DAZL: variants seen among roughly 807,000 people sequenced by gnomAD.
DAZL encodes the protein deleted in azoospermia like.
A neutral mutation model predicts 45.0 loss-of-function variants in DAZL; 4 were observed. The observed-to-expected ratio is 0.09, with a 90% CI of 0.04 to 0.20. The LOEUF (loss-of-function observed/expected upper bound fraction) is 0.20, where lower values mean the gene tolerates loss of function less well. Ranked by LOEUF, DAZL falls within the 10% of genes least tolerant of loss-of-function variation. The probability of loss-of-function intolerance (pLI) is 1.00; values close to 1 mark genes in which losing one functional copy is unlikely to be tolerated. For synonymous variants in DAZL, 122 were observed against 112.4 expected, an observed-to-expected ratio of 1.09 and a Z score of -0.54; for missense variants, 326 against 351.3, an observed-to-expected ratio of 0.93 and a Z score of 0.58.
chr3:16,594,396 A>G, intron 8 of DAZL, 137 bp downstream of exon 8: 2 of 673,278 alleles, frequency 3.0e-6, no homozygotes, highest in Non-Finnish European at 4.8e-6. Context: ...AGAAAGTAAC[A>G]AAATGTAACA....
chr3:16,591,178 T>C (rs986748593), intron 10 of DAZL, among the ~76,000 whole-genome samples: 8 of 152,170 alleles, frequency 5.3e-5, no homozygotes, highest in African/African-American at 1.4e-4. Flanking sequence ...CTTCTCATTT[T>C]AGACTTGTAA....
rs1171208384 is a variant in DAZL, at chr3:16,588,421, T to TA, written c.*238dup. 4 of 353,762 alleles carry TA rather than the reference T, an allele frequency of 1.1e-5. No homozygotes were observed. The highest frequency in any genetic ancestry group is 4.1e-5 in the Admixed American group (1 of 24,570). 21.9% of individuals were successfully genotyped at this position (353,762 alleles called of 1,614,324 possible). Reference sequence around the variant, plus strand: ...TTAAAAAATCCTTGCAGATAAATCTTAGTTTCTTTCAGTCTCAATTATTTT... The same window carrying TA: ...TTAAAAAATCCTTGCAGATAAATCTTAAGTTTCTTTCAGTCTCAATTATTTT... On this transcript the variant is annotated 3_prime_UTR_variant, in exon 11 of 11. Coordinates refer to ENST00000399444, the MANE Select transcript of DAZL (RefSeq NM_001351.4).
intron 1 of DAZL, among the ~76,000 whole-genome samples, chr3:16,601,192 A>C (rs1002903436): frequency 6.6e-6 from 1 of 152,214 alleles, no homozygotes; most frequent in African/African-American, 2.4e-5. Context: ...GTTGGAAAAG[A>C]TCTCTGGTGT....
At position 16,596,777 on chromosome 3, in the gene DAZL, C is replaced by G. The variant is rs771895981; in HGVS notation, c.471G>C (p.Thr157=). 4.3e-6 allele frequency: 7 copies of G among 1,613,758 alleles called. No homozygotes were observed. The South Asian group carries it at 7.7e-5, about 18-fold the overall frequency. ...GAACATACTGAGTTATAGGATTCAT[C>G]GTGGTTGTGGGCTGCATATAAGTTT... ...NTETYMQPTT[T]MNPITQYVQA... is the part of the protein sequence containing the mutation. Residue 157 remains threonine (T), a synonymous_variant, in exon 6 of 11, where the codon ACG becomes ACC. Coordinates refer to ENST00000399444, the MANE Select transcript of DAZL (RefSeq NM_001351.4).
intron 1 of DAZL, among the ~76,000 whole-genome samples, chr3:16,598,885 G>A (rs1694641202): frequency 6.6e-6 from 1 of 151,426 alleles, no homozygotes; most frequent in Admixed American, 6.6e-5. Context: ...CCAGGTTCAA[G>A]CGATTCTCCT....
chr3:16,599,382 G>A (rs918772697), intron 1 of DAZL, among the ~76,000 whole-genome samples: 6 of 152,022 alleles, frequency 3.9e-5, no homozygotes, highest in African/African-American at 7.3e-5. Context: ...GTCCTGCTTC[G>A]CCTTTTTCAC....
chr3:16,594,752 T>C (rs1406161060), intron 7 of DAZL, among the ~76,000 whole-genome samples, 169 bp from the exon 8 acceptor site: 1 of 152,076 alleles, frequency 6.6e-6, no homozygotes, highest in African/African-American at 2.4e-5. Context: ...CCTGATGTTC[T>C]TGTTACTTCC....
intron 3 of DAZL, 33 bp from the exon 4 acceptor site, chr3:16,597,574 C>A (rs1258337626): frequency 3.7e-6 from 5 of 1,334,750 alleles, no homozygotes; most frequent in Non-Finnish European, 5.4e-6. Flanking sequence ...TATAAAATCA[C>A]CATCATACAG....
At chr3:16,605,107 C>T in intron 1 of DAZL, 96 bp downstream of exon 1, 5 of 1,502,290 alleles carry the variant, frequency 3.3e-6, no homozygotes, top group Non-Finnish European at 4.6e-6. Flanking sequence ...ACAGGAAAGC[C>T]GAGGATGACT....
rs781779694 is a variant in DAZL at position 16,594,565 on chromosome 3, C to G, written c.589G>C (p.Val197Leu). ...ACAACATAGCTCCTTTGCTCCCCAACAGGCCACTGTGGTGGCATCTTAAAA... is the reference window on the plus strand; with the variant it reads ...ACAACATAGCTCCTTTGCTCCCCAAGAGGCCACTGTGGTGGCATCTTAAAA... ...YNYQMPPQWPVGEQRSYVVPP... is the reference protein window; with the variant it reads ...YNYQMPPQWPLGEQRSYVVPP... Residue 197 changes from valine (V) to leucine (L), a missense_variant, in exon 8 of 11, where the codon GTT (valine) becomes CTT (leucine). Transcript: ENST00000399444. 6.3e-7 allele frequency: 1 copy of G among 1,588,902 alleles called. No homozygotes were observed. The highest frequency in any genetic ancestry group is 8.5e-7 in the Non-Finnish European group (1 of 1,169,664).
At chr3:16,602,000 T>C (rs1199383693) in intron 1 of DAZL, among the ~76,000 whole-genome samples, 2 of 152,004 alleles carry the variant, frequency 1.3e-5, no homozygotes, top group Non-Finnish European at 2.9e-5. Context: ...TTTGTAGTTA[T>C]CAAAGTTACG....
At chr3:16,604,631 C>T (rs1694746236) in intron 1 of DAZL, 1 of 1,374,040 alleles carries the variant, frequency 7.3e-7, no homozygotes, top group Non-Finnish European at 9.4e-7. Context: ...ACCCCGCCCA[C>T]CCCACCAAGT....
At position 16,596,730 on chromosome 3, in the gene DAZL, G is replaced by A; in HGVS notation, c.498+20C>T. The A allele has an allele frequency of 6.2e-7, 1 of 1,612,648 alleles. No homozygotes were observed. On this transcript the variant is annotated intron_variant, in intron 6 of 10. Coordinates refer to ENST00000399444, the MANE Select transcript of DAZL (RefSeq NM_001351.4). ...ATGACTACAATAAACAAGAGAATAG[G>A]AACGTTAAGCAATTCTTACCTGAAC...
chr3:16,602,534 T>C (rs938978135), intron 1 of DAZL, among the ~76,000 whole-genome samples: 5 of 152,288 alleles, frequency 3.3e-5, no homozygotes, highest in East Asian at 1.9e-4. Context: ...GAAAAAAGTA[T>C]TTCTCAACGC....
rs11710967 is a variant in DAZL at position 16,598,568 on chromosome 3, T to A, written c.34A>T (p.Thr12Ser). Residue 12 changes from threonine to serine, a missense_variant, in exon 2 of 11, where the codon ACC becomes TCC. Coordinates refer to ENST00000399444, the MANE Select transcript of DAZL (RefSeq NM_001351.4). ...TGGGTGCTGGCCTCTCTGGAGATGG[T>A]TGAGTTTGGAGTTTCAGGATTTGCA... ...STANPETPNS[T>S]ISREASTQSS... 1 of 1,599,722 alleles carries A rather than the reference T, an allele frequency of 6.3e-7. No individual in the cohort carries two copies. The highest frequency in any genetic ancestry group is 8.5e-7 in the Non-Finnish European group (1 of 1,178,396).
chr3:16,589,760 C>A (rs1694489654), intron 10 of DAZL, among the ~76,000 whole-genome samples: 1 of 152,028 alleles, frequency 6.6e-6, no homozygotes, highest in Admixed American at 6.6e-5. Context: ...GGTGAGAACT[C>A]AAGTTTCAAA....
chr3:16,604,229 C>T (rs565903878), intron 1 of DAZL, among the ~76,000 whole-genome samples: 2 of 152,244 alleles, frequency 1.3e-5, no homozygotes, highest in Admixed American at 6.5e-5. Context: ...TACGCGCGTT[C>T]GTGACTCAGT....
At chr3:16,594,507 T>A in intron 8 of DAZL, 26 bp downstream of exon 8, 1 of 1,546,812 alleles carries the variant, frequency 6.5e-7, no homozygotes, top group Non-Finnish European at 8.8e-7. Flanking sequence ...ATAACAGGAA[T>A]TATATGTTTG....
intron 1 of DAZL, chr3:16,604,839 CG>C: frequency 2.1e-6 from 1 of 487,066 alleles, no homozygotes; most frequent in Non-Finnish European, 3.6e-6. Flanking sequence ...GGAGTGGGGG[CG>C]GGGTGGGGCA....
Sources: allele counts gnomAD v4.1 joint callset (sites outside exome capture counted in the v4.1 genomes callset), GRCh38; gene constraint gnomAD v4.1.1; transcripts MANE v1.5; gene names NCBI Gene and HGNC (gene_info 2026-07-23, HGNC 2026-07-21).